The following PDE4D variants were observed in gnomAD, a reference collection of about 807,000 sequenced individuals.
PDE4D encodes the protein 3',5'-cyclic-AMP phosphodiesterase 4D.
In PDE4D, 24 loss-of-function variants were observed where a neutral mutation model predicts 87.4. The observed-to-expected ratio is 0.27, with a 90% CI of 0.20 to 0.39. The LOEUF is 0.39. Among genes scored for constraint, PDE4D ranks in the 10% least tolerant of loss-of-function variants. The pLI, the probability that PDE4D is intolerant of heterozygous loss-of-function variation, is 1.00. For missense variants in PDE4D, 714 were observed against 1,041.0 expected, an observed-to-expected ratio of 0.69 and a Z score of 4.32; for synonymous variants, 384 against 383.2, an observed-to-expected ratio of 1.00 and a Z score of -0.02.
intron 5 of PDE4D, among the ~76,000 whole-genome samples, chr5:59,113,069 T>C (rs1472518349): frequency 6.6e-6 from 1 of 151,994 alleles, no homozygotes; most frequent in African/African-American, 2.4e-5. Flanking sequence ...CCAAAGTGTC[T>C]ACCCTTCCCT....
intron 1 of PDE4D, among the ~76,000 whole-genome samples, chr5:60,298,299 A>G (rs546561517): frequency 1.3e-5 from 2 of 151,974 alleles, no homozygotes; most frequent in Non-Finnish European, 2.9e-5. Context: ...TTACTAAAAG[A>G]TCAGAGAAGT....
At chr5:60,161,615 T>C (rs1782482181) in intron 2 of PDE4D, among the ~76,000 whole-genome samples, 1 of 152,182 alleles carries the variant, frequency 6.6e-6, no homozygotes, top group African/African-American at 2.4e-5. Flanking sequence ...TTTTCAGATC[T>C]GTGCAAACTT....
At chr5:59,156,252 TAGG>T (rs1260460976) in intron 5 of PDE4D, among the ~76,000 whole-genome samples, 1 of 148,630 alleles carries the variant, frequency 6.7e-6, no homozygotes, top group Non-Finnish European at 1.5e-5. Flanking sequence ...AGGGAGAGGT[TAGG>T]AGAAGACTCA....
chr5:59,156,331 A>ATATATATGTGTG (rs1384479557), intron 5 of PDE4D, among the ~76,000 whole-genome samples: 51 of 122,756 alleles, frequency 4.2e-4, no homozygotes, highest in African/African-American at 1.7e-3. Flanking sequence ...ATATATATAT[A>ATATATATGTGTG]TGTGTGTGTG....
At chr5:59,301,875 G>A (rs1770323175) in intron 1 of PDE4D, among the ~76,000 whole-genome samples, 1 of 152,062 alleles carries the variant, frequency 6.6e-6, no homozygotes, top group Non-Finnish European at 1.5e-5. Flanking sequence ...ACCAAGAAGG[G>A]GAAAATTTCC....
intron 1 of PDE4D, among the ~76,000 whole-genome samples, chr5:59,784,160 A>T (rs1764907330): frequency 6.6e-6 from 1 of 152,006 alleles, no homozygotes. Flanking sequence ...AGGAAACAGG[A>T]TGAGGAGTTC....
Position 59,459,167 on chromosome 5 carries a change from T to C in PDE4D, c.456-243199A>G, listed in dbSNP as rs115806431. On this transcript the variant is annotated intron_variant, in intron 1 of 14. Transcript: ENST00000340635. ...ATTTCTAAGTATTTTGAGAAGATAA[T>C]TCTGTTAAAGTTTAAACAATAGTGT... Among the ~76,000 whole-genome samples, 581 of 152,330 alleles carry C rather than the reference T, an allele frequency of 3.8e-3. 7 individuals are homozygous for C. Among genetic ancestry groups the C allele is most frequent in the African/African-American group, 0.014 (566 of 41,580 alleles).
intron 1 of PDE4D, among the ~76,000 whole-genome samples, chr5:59,387,966 C>A (rs1297169804): frequency 6.6e-6 from 1 of 151,976 alleles, no homozygotes; most frequent in East Asian, 1.9e-4. Context: ...ACCCATCAGC[C>A]CTGGTTAACA....
At chr5:59,991,893 A>G (rs1204501713) in intron 2 of PDE4D, among the ~76,000 whole-genome samples, 5 of 152,136 alleles carry the variant, frequency 3.3e-5, no homozygotes, top group African/African-American at 9.7e-5. Context: ...GATACAAAGT[A>G]TTGTTCCTGG....
At chr5:60,415,623 C>G in intron 1 of PDE4D, among the ~76,000 whole-genome samples, 1 of 152,244 alleles carries the variant, frequency 6.6e-6, no homozygotes. Context: ...CACTCAATTT[C>G]TCACCAGGCC....
In PDE4D at chr5:60,105,791, C is replaced by A. The variant is rs113148507; in HGVS notation, c.42+79766G>T. Reference sequence around the variant, plus strand: ...TTCATAAGTGAAGGAGAAATAAAATCCTTTACAGACAAGCAAATGCTGAGA... The same window carrying A: ...TTCATAAGTGAAGGAGAAATAAAATACTTTACAGACAAGCAAATGCTGAGA... On this transcript the variant is annotated intron_variant, in intron 2 of 16. Transcript: ENST00000502484. Among the ~76,000 whole-genome samples the A allele has an allele frequency of 7.8e-3, 1,187 of 152,180 alleles. 13 individuals are homozygous for A. Among genetic ancestry groups the A allele is most frequent in the African/African-American group, 0.027 (1,130 of 41,482 alleles).
chr5:59,403,209 C>A (rs191738461), intron 1 of PDE4D, among the ~76,000 whole-genome samples: 10 of 149,306 alleles, frequency 6.7e-5, no homozygotes, highest in South Asian at 2.1e-4. Flanking sequence ...TTATGGGGCC[C>A]ACGAGATATT....
chr5:60,461,359 C>A (rs963931908), intron 1 of PDE4D, among the ~76,000 whole-genome samples: 3 of 152,186 alleles, frequency 2.0e-5, no homozygotes, highest in Non-Finnish European at 1.5e-5. Flanking sequence ...GCACAATCTG[C>A]CTGCTGTGCA....
chr5:59,264,394 T>C (rs1762517643), intron 1 of PDE4D, among the ~76,000 whole-genome samples: 1 of 152,100 alleles, frequency 6.6e-6, no homozygotes. Flanking sequence ...ATTTCACATA[T>C]ATTTCTAGGT....
At position 59,267,522 on chromosome 5, in the gene PDE4D, C is replaced by T. The variant is rs147199036; in HGVS notation, c.456-51554G>A. Among the ~76,000 whole-genome samples the T allele has an allele frequency of 7.2e-4, 110 of 152,104 alleles. 4 individuals are homozygous for T. The highest frequency in any genetic ancestry group is 2.6e-3 in the African/African-American group (106 of 41,542). ...TAATGAAACATTTATTTTAACAAGTCACACTGGTGCCATCTATTTTACAAT... is the reference window on the plus strand; with the variant it reads ...TAATGAAACATTTATTTTAACAAGTTACACTGGTGCCATCTATTTTACAAT... On this transcript the variant is annotated intron_variant, in intron 1 of 14. Coordinates refer to ENST00000340635, the MANE Select transcript of PDE4D (RefSeq NM_001104631.2).
intron 1 of PDE4D, among the ~76,000 whole-genome samples, chr5:60,193,583 T>C (rs2149526109): frequency 7.4e-6 from 1 of 135,448 alleles, no homozygotes; most frequent in South Asian, 2.4e-4. Flanking sequence ...GGCAGGAGAA[T>C]GGCGTGAACC....
intron 1 of PDE4D, among the ~76,000 whole-genome samples, chr5:59,695,832 C>T (rs6862255): frequency 0.071 from 10,874 of 152,122 alleles, 1,190 homozygotes; most frequent in African/African-American, 0.24. Flanking sequence ...TGGTCTCAAA[C>T]TCCTGAGCTC....
At chr5:60,337,260 G>T (rs914849383) in intron 1 of PDE4D, among the ~76,000 whole-genome samples, 1 of 150,004 alleles carries the variant, frequency 6.7e-6, no homozygotes. Context: ...TTGAACCCGG[G>T]GGGTAGAGGT....
chr5:59,970,598 A>G (rs961589021), intron 3 of PDE4D, among the ~76,000 whole-genome samples: 1 of 152,114 alleles, frequency 6.6e-6, no homozygotes, highest in Non-Finnish European at 1.5e-5. Context: ...CAAAAAACAC[A>G]TGAAAAAATG....
Sources: allele counts gnomAD v4.1 joint callset (sites outside exome capture counted in the v4.1 genomes callset), GRCh38; gene constraint gnomAD v4.1.1; transcripts MANE v1.5; gene names NCBI Gene and HGNC (gene_info 2026-07-23, HGNC 2026-07-21).